The following REL variants were observed in gnomAD, a reference collection of about 807,000 sequenced individuals.
REL encodes REL proto-oncogene, NF-kB subunit, also known as proto-oncogene c-Rel.
REL carries 15 observed loss-of-function variants against 45.9 expected under a neutral mutation model. The observed-to-expected ratio is 0.33, with a 90% CI of 0.22 to 0.50. The LOEUF (loss-of-function observed/expected upper bound fraction) is 0.50. REL is among the 20% of genes least tolerant of loss of function. The probability of loss-of-function intolerance (pLI) is 0.98; values close to 1 mark genes in which losing one functional copy is unlikely to be tolerated. For missense variants in REL, 601 were observed against 715.2 expected (o/e 0.84, Z 1.82); for synonymous variants, 239 against 242.1 (o/e 0.99, Z 0.12).
rs891346711 is a variant in REL, at chr2:60,929,560, CTA to C, written c.*7027_*7028del. Reference sequence around the variant, plus strand: ...ATTGGAAAACATCATTCTCAGTAAACTATCGCAAGAACAAGAAACCAAACACC... The same window carrying C: ...ATTGGAAAACATCATTCTCAGTAAACTCGCAAGAACAAGAAACCAAACACC... On this transcript the variant is annotated 3_prime_UTR_variant, in exon 10 of 10. Coordinates refer to ENST00000394479, the MANE Select transcript of REL (RefSeq NM_001291746.2). 30 of 151,390 alleles carry C rather than the reference CTA, an allele frequency of 2.0e-4. 1 individual carries two copies. Among genetic ancestry groups the C allele is most frequent in the African/African-American group, 7.3e-4 (30 of 41,226 alleles). 9.4% of individuals were successfully genotyped at this position (151,390 alleles called of 1,614,324 possible). A position where few individuals can be genotyped will look rare whatever the true frequency, so the allele number is the denominator to read the frequency against.
In REL at chr2:60,891,694, C is replaced by G. The variant is rs911836734; in HGVS notation, c.22C>G (p.Pro8Ala). 2 of 1,612,354 alleles carry G rather than the reference C, an allele frequency of 1.2e-6. No homozygotes were observed. Among genetic ancestry groups the G allele is most frequent in the African/African-American group, 1.3e-5 (1 of 74,794 alleles). The stretch of plus-strand genomic sequence containing the variant: ...TAAAAACTTTTCAGGTGCGTATAAC[C>G]CGTATATAGAGATAATTGAACAACC... MASGAYN[P>A]YIEIIEQPRQ... The change falls in exon 2 of 10, where the codon CCG (proline) becomes GCG (alanine). Residue 8 changes from proline (P) to alanine (A), a missense_variant. Transcript: ENST00000394479.
intron 9 of REL, among the ~76,000 whole-genome samples, chr2:60,921,118 C>T (rs1185217811): frequency 6.6e-6 from 1 of 150,780 alleles, no homozygotes; most frequent in Non-Finnish European, 1.5e-5. Context: ...TTGCCAATCC[C>T]TAGTTTAGGT....
At chr2:60,884,080 A>C (rs1176259024) in intron 1 of REL, among the ~76,000 whole-genome samples, 2 of 148,954 alleles carry the variant, frequency 1.3e-5, no homozygotes, top group Non-Finnish European at 3.0e-5. Context: ...TGAAACAGTA[A>C]TTTAACCGGA....
intron 6 of REL, 28 bp from the exon 7 acceptor site, chr2:60,918,366 T>A: frequency 6.4e-7 from 1 of 1,574,582 alleles, no homozygotes; most frequent in Non-Finnish European, 8.6e-7. Flanking sequence ...TTTTCCCATT[T>A]TTTTTTTTTT....
At chr2:60,881,955 C>G (rs1672950716) in intron 1 of REL, 105 bp downstream of exon 1, 1 of 740,794 alleles carries the variant, frequency 1.3e-6, no homozygotes, top group African/African-American at 1.9e-5. Flanking sequence ...GGGGCGCGTT[C>G]TGTCTTTAAA....
intron 1 of REL, 69 bp from the exon 2 acceptor site, chr2:60,891,612 CAG>C (rs1047884060): frequency 1.3e-4 from 165 of 1,291,100 alleles, no homozygotes; most frequent in Admixed American, 2.9e-4. Flanking sequence ...ATAAAAAAAA[CAG>C]AATGTTAAAA....
At chr2:60,881,887 A>G (rs1476085886) in intron 1 of REL, 37 bp downstream of exon 1, 2 of 1,424,912 alleles carry the variant, frequency 1.4e-6, no homozygotes, top group East Asian at 2.9e-5. Context: ...GGCCGGGGGA[A>G]AGGAGCTCTT....
At chr2:60,908,357 C>T (rs989663608) in intron 4 of REL, among the ~76,000 whole-genome samples, 6 of 152,148 alleles carry the variant, frequency 3.9e-5, no homozygotes, top group Admixed American at 1.3e-4. Context: ...TTAAGGCCGG[C>T]CTTTATCTTT....
rs926620781 is a variant in REL, at chr2:60,922,038, T to G, written c.1267T>G (p.Leu423Val). 2.5e-6 allele frequency: 4 copies of G among 1,614,204 alleles called. No homozygotes were observed. The highest frequency in any genetic ancestry group is 1.1e-5 in the South Asian group (1 of 91,090). ...PFLRIPVGNDLNASNACIYNN... is the reference protein window; with the variant it reads ...PFLRIPVGNDVNASNACIYNN... Reference sequence around the variant, plus strand: ...CCTGAGAATACCTGTTGGGAATGATTTAAATGCTTCTAATGCTTGCATTTA... The same window carrying G: ...CCTGAGAATACCTGTTGGGAATGATGTAAATGCTTCTAATGCTTGCATTTA... Residue 423 changes from leucine to valine, a missense_variant, in exon 10 of 10, where the codon TTA (leucine) becomes GTA (valine). By Grantham distance (32) the Leu-to-Val change is conservative. Around this residue, in one of 4 missense-constraint regions of REL, gnomAD observed 334 missense variants for 333.1 expected, o/e 1.00. Coordinates refer to ENST00000394479, the MANE Select transcript of REL (RefSeq NM_001291746.2).
intron 3 of REL, among the ~76,000 whole-genome samples, chr2:60,898,273 A>G (rs1189949014): frequency 2.6e-5 from 4 of 152,206 alleles, no homozygotes; most frequent in African/African-American, 7.2e-5. Context: ...AAACATTTTA[A>G]TGGGTTTATT....
chr2:60,931,106 G>T lies in REL; in HGVS notation c.*8571G>T, dbSNP rs1279626230. 1 of 152,274 alleles carries T rather than the reference G, an allele frequency of 6.6e-6. No homozygotes were observed. Among genetic ancestry groups the T allele is most frequent in the Non-Finnish European group, 1.5e-5 (1 of 68,020 alleles). 9.4% of individuals were successfully genotyped at this position (152,274 alleles called of 1,614,324 possible). A position where few individuals can be genotyped will look rare whatever the true frequency, so the allele number is the denominator to read the frequency against. On this transcript the variant is annotated 3_prime_UTR_variant, in exon 10 of 10. Transcript: ENST00000394479. The stretch of plus-strand genomic sequence containing the variant: ...TGGAATATTTGAGGATCCATTTGTG[G>T]AACTGAATTTAATGAGACTTCATTG...
chr2:60,921,340 C>A (rs1304125866), intron 9 of REL, among the ~76,000 whole-genome samples: 2 of 151,942 alleles, frequency 1.3e-5, no homozygotes, highest in African/African-American at 2.4e-5. Context: ...ATTTTCTTAT[C>A]CCTAATGAGT....
chr2:60,901,334 G>A (rs1035979210), intron 4 of REL, among the ~76,000 whole-genome samples: 28 of 151,856 alleles, frequency 1.8e-4, no homozygotes, highest in African/African-American at 6.3e-4. Context: ...GCTAATTTTT[G>A]TATTTTAAGT....
chr2:60,920,992 T>C (rs1674125755), intron 9 of REL, among the ~76,000 whole-genome samples: 1 of 152,156 alleles, frequency 6.6e-6, no homozygotes, highest in Non-Finnish European at 1.5e-5. Context: ...ATATTATCTC[T>C]AAACTGCTTT....
chr2:60,925,696 A>ATT lies in REL; in HGVS notation c.*3174_*3175dup, dbSNP rs11339518. 4.4e-5 allele frequency: 8 copies of ATT among 181,322 alleles called. No homozygotes were observed. The highest frequency in any genetic ancestry group is 8.8e-5 in the East Asian group (1 of 11,324). 11.2% of individuals were successfully genotyped at this position (181,322 alleles called of 1,614,324 possible). A position where few individuals can be genotyped will look rare whatever the true frequency, so the allele number is the denominator to read the frequency against. The stretch of plus-strand genomic sequence containing the variant: ...ATGATGATGGATGATAGGTGGGGAG[A>ATT]TTTTTTTTTTTTTTAATACAGAATC... On this transcript the variant is annotated 3_prime_UTR_variant, in exon 10 of 10. Coordinates refer to ENST00000394479, the MANE Select transcript of REL (RefSeq NM_001291746.2).
intron 3 of REL, among the ~76,000 whole-genome samples, chr2:60,897,696 G>C (rs1363233411): frequency 1.3e-5 from 2 of 151,946 alleles, no homozygotes; most frequent in Non-Finnish European, 2.9e-5. Context: ...TAGTAAGTCT[G>C]ATTGCCTTCT....
intron 1 of REL, among the ~76,000 whole-genome samples, chr2:60,890,704 G>A (rs1033218274): frequency 6.6e-6 from 1 of 152,110 alleles, no homozygotes; most frequent in Admixed American, 6.5e-5. Context: ...ACAACAAACT[G>A]TACTTTTAAA....
rs1002449706 is a variant in REL at position 60,926,496 on chromosome 2, C to A, written c.*3961C>A. 1 of 231,816 alleles carries A rather than the reference C, an allele frequency of 4.3e-6. No individual in the cohort carries two copies. Among genetic ancestry groups the A allele is most frequent in the Non-Finnish European group, 8.5e-6 (1 of 117,172 alleles). The allele number at this position is 231,816 out of a possible 1,614,324, so 14.4% of individuals were successfully genotyped here. On this transcript the variant is annotated 3_prime_UTR_variant, in exon 10 of 10. Transcript: ENST00000394479. Reference sequence around the variant, plus strand: ...TCCTATACTTCCCTCTTTGCATACTCCTCTGGGTTTTCTGTGGTAGTCAAG... The same window carrying A: ...TCCTATACTTCCCTCTTTGCATACTACTCTGGGTTTTCTGTGGTAGTCAAG...
intron 4 of REL, among the ~76,000 whole-genome samples, chr2:60,915,070 A>T (rs1482823402): frequency 1.3e-5 from 2 of 151,868 alleles, no homozygotes; most frequent in Non-Finnish European, 1.5e-5. Context: ...CAACCTCATG[A>T]TCCACCCACC....
Sources: allele counts gnomAD v4.1 joint callset (sites outside exome capture counted in the v4.1 genomes callset), GRCh38; gene constraint gnomAD v4.1.1; regional missense constraint gnomAD v4.1.1; transcripts MANE v1.5; gene names NCBI Gene and HGNC (gene_info 2026-07-23, HGNC 2026-07-21).